Variants in CAMK4 observed in about 807,000 individuals in gnomAD.
CAMK4 encodes calcium/calmodulin dependent protein kinase IV.
Under a neutral mutation model 44.9 loss-of-function variants are expected in CAMK4, and 22 were observed. The observed-to-expected ratio is 0.49, with a 90% CI of 0.35 to 0.70. The LOEUF (loss-of-function observed/expected upper bound fraction) is 0.70, where lower values mean the gene tolerates loss of function less well. CAMK4 is among the 30% of genes least tolerant of loss of function. The pLI, the probability that CAMK4 is intolerant of heterozygous loss-of-function variation, is 0.01. For missense variants in CAMK4, 498 were observed against 586.8 expected (o/e 0.85, Z 1.56); for synonymous variants, 218 against 215.4 (o/e 1.01, Z -0.11).
At chr5:111,238,361 G>T (rs547922969) in intron 1 of CAMK4, among the ~76,000 whole-genome samples, 5 of 152,260 alleles carry the variant, frequency 3.3e-5, no homozygotes, top group East Asian at 1.9e-4. Flanking sequence ...TTAGGTTTAG[G>T]TGAGGTGATG....
chr5:111,482,952 A>ATTTTGTTTTG lies in CAMK4; in HGVS notation c.981+30_981+39dup, dbSNP rs762169064. 2.1e-4 allele frequency: 325 copies of ATTTTGTTTTG among 1,580,980 alleles called. 1 individual carries two copies. The highest frequency in any genetic ancestry group is 1.2e-3 in the Middle Eastern group (7 of 5,930). ...GTAAGCTTAAGGTAAGATAGCATAT[A>ATTTTGTTTTG]TTTTGTTTTGTTTTGTTTTGTTTTC... is the stretch of plus-strand genomic sequence containing the variant. On this transcript the variant is annotated intron_variant, in intron 10 of 10. Transcript: ENST00000282356. The surrounding 1 kb of genome is among the most constrained non-coding windows in gnomAD (Gnocchi z 4.9).
In CAMK4 at chr5:111,490,564, C is replaced by A. The variant is rs1375433169; in HGVS notation, c.*6098C>A. 1 of 152,162 alleles carries A rather than the reference C, an allele frequency of 6.6e-6. No homozygotes were observed. Among genetic ancestry groups the A allele is most frequent in the Non-Finnish European group, 1.5e-5 (1 of 68,058 alleles). 9.4% of individuals were successfully genotyped at this position (152,162 alleles called of 1,614,324 possible). A position where few individuals can be genotyped will look rare whatever the true frequency, so the allele number is the denominator to read the frequency against. On this transcript the variant is annotated 3_prime_UTR_variant, in exon 11 of 11. Coordinates refer to ENST00000282356, the MANE Select transcript of CAMK4 (RefSeq NM_001744.6). ...AGTGAGCCAAGATCATGCCACTGCA[C>A]TCCAGCCTGGACAACAAGAGCGAAA...
rs1755886974 is a variant in CAMK4, at chr5:111,492,502, ATCT to A, written c.*8041_*8043del. On this transcript the variant is annotated 3_prime_UTR_variant, in exon 11 of 11. Transcript: ENST00000282356. The stretch of plus-strand genomic sequence containing the variant: ...TAGGATTCCACATTCTCCCCTGCCC[ATCT>A]TCTTGATTGCTCAGTTTGAAGACGA... 1 of 152,170 alleles carries A rather than the reference ATCT, an allele frequency of 6.6e-6. No homozygotes were observed. Among genetic ancestry groups the A allele is most frequent in the Non-Finnish European group, 1.5e-5 (1 of 68,018 alleles). 9.4% of individuals were successfully genotyped at this position (152,170 alleles called of 1,614,324 possible). A position where few individuals can be genotyped will look rare whatever the true frequency, so the allele number is the denominator to read the frequency against.
chr5:111,480,286 A>ACACACACACC (rs1163614814), intron 9 of CAMK4, among the ~76,000 whole-genome samples: 17 of 148,990 alleles, frequency 1.1e-4, no homozygotes, highest in African/African-American at 4.3e-4. Context: ...ACACACACAC[A>ACACACACACC]CACCCCTGGG....
chr5:111,344,550 G>A (rs1186860050), intron 2 of CAMK4, among the ~76,000 whole-genome samples: 1 of 151,784 alleles, frequency 6.6e-6, no homozygotes. Flanking sequence ...ATTTGTTAAA[G>A]GAGTCATCAG....
chr5:111,491,699 C>T lies in CAMK4; in HGVS notation c.*7233C>T, dbSNP rs917138436. 1.3e-5 allele frequency: 2 copies of T among 152,168 alleles called. No individual in the cohort carries two copies. The highest frequency in any genetic ancestry group is 2.4e-5 in the African/African-American group (1 of 41,444). The allele number at this position is 152,168 out of a possible 1,614,324, so 9.4% of individuals were successfully genotyped here. On this transcript the variant is annotated 3_prime_UTR_variant, in exon 11 of 11. Coordinates refer to ENST00000282356, the MANE Select transcript of CAMK4 (RefSeq NM_001744.6). ...GCATGTTTTAGAAATTTGATCCTTA[C>T]ATTTAAAATTATGTAAATGACATCT...
intron 1 of CAMK4, among the ~76,000 whole-genome samples, chr5:111,266,554 A>T (rs955703588): frequency 2.6e-5 from 4 of 152,192 alleles, no homozygotes; most frequent in African/African-American, 9.7e-5. Context: ...CCTGCTATTT[A>T]TTAGTCTTTC....
chr5:111,471,400 T>C (rs932814477), intron 7 of CAMK4, among the ~76,000 whole-genome samples: 1 of 152,242 alleles, frequency 6.6e-6, no homozygotes, highest in African/African-American at 2.4e-5. Flanking sequence ...AACATTGTCT[T>C]ATCCCTTCTT....
intron 5 of CAMK4, among the ~76,000 whole-genome samples, chr5:111,419,771 T>C (rs970293990): frequency 4.6e-5 from 7 of 152,260 alleles, no homozygotes; most frequent in Non-Finnish European, 1.0e-4. Context: ...CGGCATTATT[T>C]CTGAGGGCTC....
intron 5 of CAMK4, among the ~76,000 whole-genome samples, chr5:111,403,976 C>G (rs959434617): frequency 6.6e-6 from 1 of 152,082 alleles, no homozygotes; most frequent in African/African-American, 2.4e-5. Flanking sequence ...GGAAAGGAGC[C>G]TCTATTTCTT....
chr5:111,242,940 G>A (rs547325129), intron 1 of CAMK4, among the ~76,000 whole-genome samples: 1 of 152,212 alleles, frequency 6.6e-6, no homozygotes, highest in South Asian at 2.1e-4. Context: ...TCAGATGCAG[G>A]CAGCCTGATG....
chr5:111,369,065 AATT>A (rs951505996), intron 2 of CAMK4, among the ~76,000 whole-genome samples: 9 of 148,678 alleles, frequency 6.1e-5, no homozygotes, highest in Non-Finnish European at 8.9e-5. Flanking sequence ...TAATAATAAT[AATT>A]ATTATTATTA....
intron 4 of CAMK4, among the ~76,000 whole-genome samples, chr5:111,383,272 C>A (rs568202045): frequency 6.6e-6 from 1 of 152,150 alleles, no homozygotes; most frequent in East Asian, 1.9e-4. Flanking sequence ...AAAAACTCTT[C>A]TTCCTCTGAA....
intron 1 of CAMK4, among the ~76,000 whole-genome samples, chr5:111,254,287 G>A (rs1473564228): frequency 6.6e-6 from 1 of 152,154 alleles, no homozygotes; most frequent in East Asian, 1.9e-4. Flanking sequence ...TTAGGGTAGG[G>A]GGCACTGACA....
intron 5 of CAMK4, among the ~76,000 whole-genome samples, chr5:111,407,538 C>T (rs1413905645): frequency 6.6e-6 from 1 of 151,970 alleles, no homozygotes; most frequent in Admixed American, 6.6e-5. Context: ...ATTTTAATTA[C>T]ATTAAAAAAT....
intron 5 of CAMK4, among the ~76,000 whole-genome samples, chr5:111,426,188 A>G (rs1753219860): frequency 6.6e-6 from 1 of 152,166 alleles, no homozygotes. Flanking sequence ...TGACTTTGAG[A>G]TCTCACATAA....
At chr5:111,308,261 AAT>A (rs1748023155) in intron 1 of CAMK4, among the ~76,000 whole-genome samples, 1 of 151,800 alleles carries the variant, frequency 6.6e-6, no homozygotes, top group Non-Finnish European at 1.5e-5. Flanking sequence ...AAAAAAATAA[AAT>A]AAAATAAATG....
chr5:111,346,969 A>G (rs533070346), intron 2 of CAMK4, among the ~76,000 whole-genome samples: 19 of 152,126 alleles, frequency 1.2e-4, no homozygotes, highest in Non-Finnish European at 2.1e-4. Flanking sequence ...GCACGGGTAC[A>G]CTATGAAAGG....
intron 2 of CAMK4, among the ~76,000 whole-genome samples, chr5:111,354,820 C>T (rs1372983023): frequency 7.7e-6 from 1 of 129,798 alleles, no homozygotes; most frequent in Non-Finnish European, 1.8e-5. Context: ...GGGAGATCCT[C>T]TACACTTTGC....
Sources: gnomAD v4.1 joint callset for allele counts (sites outside exome capture counted in the v4.1 genomes callset) on GRCh38, gnomAD v4.1.1 for gene constraint, Gnocchi (gnomAD v3.1) non-coding constraint, MANE v1.5 for transcripts, NCBI Gene and HGNC (gene_info 2026-07-23, HGNC 2026-07-21) for gene names.